Variants in OCM observed in about 807,000 individuals in gnomAD.
The protein encoded by OCM is oncomodulin-1.
A neutral mutation model predicts 14.1 loss-of-function variants in OCM; 18 were observed. The ratio of observed to expected loss-of-function variants is 1.28; its 90% CI spans 0.88 to 1.89. The LOEUF is 1.89. Ranked by LOEUF, OCM falls within the 40% of genes most tolerant of loss-of-function variation. The probability of loss-of-function intolerance (pLI) is 0.00; values close to 1 mark genes in which losing one functional copy is unlikely to be tolerated. For missense variants in OCM, 140 were observed against 137.6 expected (o/e 1.02, Z -0.09); for synonymous variants, 48 against 51.0 (o/e 0.94, Z 0.25).
At chr7:5,870,764 A>C in the OCM span, among the ~76,000 whole-genome samples, 1 of 152,222 alleles carries the variant, frequency 6.6e-6, no homozygotes, top group Non-Finnish European at 1.5e-5. Context: ...AACACATGTT[A>C]GCATAAGTAT....
chr7:5,873,499 A>G, the OCM span, among the ~76,000 whole-genome samples: 1 of 152,020 alleles, frequency 6.6e-6, no homozygotes, highest in African/African-American at 2.4e-5. Flanking sequence ...AGGAGCCTGG[A>G]TAATTATTTA....
At chr7:5,873,037 C>T in the OCM span, among the ~76,000 whole-genome samples, 8 of 152,080 alleles carry the variant, frequency 5.3e-5, no homozygotes, top group East Asian at 1.4e-3. Flanking sequence ...CATTGCACTC[C>T]AGCTTGCATG....
chr7:5,878,951 T>A (rs112385936), upstream of OCM, among the ~76,000 whole-genome samples: 48 of 133,582 alleles, frequency 3.6e-4, 2 homozygotes, highest in African/African-American at 1.3e-3. Flanking sequence ...GAGGATGAGG[T>A]GGGAGAATTA....
chr7:5,879,470 C>T (rs1365062702), upstream of OCM, among the ~76,000 whole-genome samples: 1 of 152,124 alleles, frequency 6.6e-6, no homozygotes, highest in Non-Finnish European at 1.5e-5. Context: ...AGACTGAGGT[C>T]AGCCTTACAC....
intron 1 of OCM, among the ~76,000 whole-genome samples, 156 bp from the exon 2 acceptor site, chr7:5,882,337 A>G (rs893444921): frequency 2.0e-5 from 3 of 152,084 alleles, no homozygotes; most frequent in African/African-American, 7.2e-5. Flanking sequence ...CAGAGCCATC[A>G]AGTCTTGGCT....
upstream of OCM, among the ~76,000 whole-genome samples, chr7:5,879,398 T>A (rs1353784529): frequency 6.6e-6 from 1 of 152,128 alleles, no homozygotes; most frequent in Non-Finnish European, 1.5e-5. Flanking sequence ...TAGCCCTGTC[T>A]CCTGTGCCGG....
upstream of OCM, among the ~76,000 whole-genome samples, chr7:5,880,315 CCTT>C (rs1463923288): frequency 6.6e-6 from 1 of 151,656 alleles, no homozygotes; most frequent in African/African-American, 2.4e-5. Flanking sequence ...ACAATTGAAT[CCTT>C]CTTTGGGTCA....
chr7:5,866,660 C>T, the OCM span, among the ~76,000 whole-genome samples: 8 of 152,078 alleles, frequency 5.3e-5, no homozygotes, highest in African/African-American at 1.9e-4. Flanking sequence ...CACTCAACTC[C>T]CAGTAATAAC....
the OCM span, among the ~76,000 whole-genome samples, chr7:5,864,276 G>A: frequency 6.6e-6 from 1 of 151,630 alleles, no homozygotes; most frequent in East Asian, 1.9e-4. Context: ...GAGCCCAGGA[G>A]GTTGAGGCTG....
chr7:5,871,498 TC>T, the OCM span, among the ~76,000 whole-genome samples: 2 of 152,136 alleles, frequency 1.3e-5, no homozygotes, highest in African/African-American at 2.4e-5. Flanking sequence ...GGGATATCTC[TC>T]CCTTTTTCAT....
intron 2 of OCM, 21 bp downstream of exon 2, chr7:5,882,646 G>T (rs1562530625): frequency 1.2e-6 from 2 of 1,613,652 alleles, no homozygotes; most frequent in East Asian, 4.5e-5. Context: ...TCCTGAGTCT[G>T]TCTGGTACCC....
At chr7:5,872,511 G>C in the OCM span, among the ~76,000 whole-genome samples, 2 of 152,148 alleles carry the variant, frequency 1.3e-5, no homozygotes, top group African/African-American at 4.8e-5. Flanking sequence ...TCACCACACA[G>C]AGACAGCTGG....
the OCM span, among the ~76,000 whole-genome samples, chr7:5,865,711 AAAC>A: frequency 3.9e-5 from 6 of 152,210 alleles, no homozygotes; most frequent in Non-Finnish European, 8.8e-5. Flanking sequence ...TCAGGAAATG[AAAC>A]ATGCTCAGCT....
At chr7:5,862,983 C>T in the OCM span, among the ~76,000 whole-genome samples, 6 of 145,312 alleles carry the variant, frequency 4.1e-5, no homozygotes, top group South Asian at 1.4e-3. Flanking sequence ...TCTTTTCATA[C>T]GTTTATCTTA....
intron 1 of OCM, among the ~76,000 whole-genome samples, chr7:5,882,085 C>CAAAAA (rs60321561): frequency 5.0e-4 from 23 of 45,968 alleles, no homozygotes; most frequent in East Asian, 9.9e-4. Context: ...GACTCTGTCT[C>CAAAAA]AAAAAAAAAA....
At chr7:5,878,004 T>C (rs1439099466), upstream of OCM, among the ~76,000 whole-genome samples, 3 of 148,566 alleles carry the variant, frequency 2.0e-5, no homozygotes, top group Non-Finnish European at 3.0e-5. Flanking sequence ...GGAATCTCGC[T>C]CTGTCACCCA....
the OCM span, among the ~76,000 whole-genome samples, chr7:5,874,144 A>G: frequency 6.9e-6 from 1 of 145,758 alleles, no homozygotes; most frequent in Non-Finnish European, 1.5e-5. Context: ...GAATCTCGTG[A>G]ACCTCGGAGG....
intron 2 of OCM, 31 bp downstream of exon 2, chr7:5,882,656 C>T (rs755114774): frequency 2.5e-5 from 40 of 1,612,146 alleles, no homozygotes; most frequent in Admixed American, 5.0e-5. Context: ...GTCTGGTACC[C>T]GGCACTGCTG....
chr7:5,878,938 T>C (rs1263141746), upstream of OCM, among the ~76,000 whole-genome samples: 1 of 148,964 alleles, frequency 6.7e-6, no homozygotes, highest in Admixed American at 6.7e-5. Context: ...CCCAGCACTT[T>C]AGGAGGATGA....
Sources: gnomAD v4.1 joint callset for allele counts (sites outside exome capture counted in the v4.1 genomes callset) on GRCh38, gnomAD v4.1.1 for gene constraint, MANE v1.5 for transcripts, NCBI Gene and HGNC (gene_info 2026-07-23, HGNC 2026-07-21) for gene names.